Variants in IPPK observed in about 807,000 individuals in gnomAD.
IPPK encodes the protein inositol-pentakisphosphate 2-kinase.
In IPPK, 22 loss-of-function variants were observed where a neutral mutation model predicts 64.6. That is an observed-to-expected ratio of 0.34 (90% CI 0.24 to 0.49). The LOEUF is 0.49. IPPK is among the 20% of genes least tolerant of loss of function. The pLI is 0.99. For synonymous variants in IPPK, 262 were observed against 247.2 expected (o/e 1.06, Z -0.56); for missense variants, 532 against 630.7 (o/e 0.84, Z 1.68).
At chr9:92,666,559 C>T (rs1852601566) in intron 1 of IPPK, among the ~76,000 whole-genome samples, 1 of 152,266 alleles carries the variant, frequency 6.6e-6, no homozygotes, top group Non-Finnish European at 1.5e-5. Flanking sequence ...CAGACACACA[C>T]CAGGGAACAT....
At chr9:92,619,763 C>G (rs886641318) in intron 11 of IPPK, 198 bp from the exon 12 acceptor site, 15 of 596,206 alleles carry the variant, frequency 2.5e-5, no homozygotes, top group African/African-American at 1.8e-4. Flanking sequence ...CTCAGTGCCA[C>G]GGGGCTGCTC....
chr9:92,648,274 TG>T, intron 5 of IPPK, 126 bp from the exon 6 acceptor site: 1 of 695,010 alleles, frequency 1.4e-6, no homozygotes, highest in Non-Finnish European at 2.4e-6. Flanking sequence ...CCCCAGAAGC[TG>T]TTTTCATTTG....
In IPPK at chr9:92,638,239, G is replaced by C. The variant is rs144458816; in HGVS notation, c.678C>G (p.Pro226=). ...GTGCAAGCTCGCTCCAGTCAGCCAC[G>C]GGGCTCCGGGCATCTTTGCAGCCGT... ...LIYGCKDARS[P]VADWSELAHH... is the part of the protein sequence containing the mutation. The change falls in exon 9 of 13, where the codon CCC becomes CCG. Residue 226 remains proline (P), a synonymous_variant. Coordinates refer to ENST00000287996, the MANE Select transcript of IPPK (RefSeq NM_022755.6). The C allele has an allele frequency of 1.2e-6, 2 of 1,614,148 alleles. No individual in the cohort carries two copies. Among genetic ancestry groups the C allele is most frequent in the East Asian group, 4.5e-5 (2 of 44,882 alleles).
intron 6 of IPPK, among the ~76,000 whole-genome samples, chr9:92,645,541 A>G (rs955271283): frequency 6.6e-6 from 1 of 152,176 alleles, no homozygotes; most frequent in Non-Finnish European, 1.5e-5. Flanking sequence ...ATCTACACCT[A>G]GACACACCAT....
intron 3 of IPPK, among the ~76,000 whole-genome samples, chr9:92,654,561 C>T (rs1165343046): frequency 6.6e-6 from 1 of 152,156 alleles, no homozygotes; most frequent in Non-Finnish European, 1.5e-5. Context: ...TCTTAAAAGT[C>T]CAACTACATT....
intron 11 of IPPK, among the ~76,000 whole-genome samples, chr9:92,630,392 A>G (rs538511000): frequency 6.6e-5 from 10 of 152,350 alleles, no homozygotes; most frequent in African/African-American, 2.4e-4. Context: ...TGGGGAGACA[A>G]TGGGACGATA....
intron 1 of IPPK, among the ~76,000 whole-genome samples, chr9:92,668,968 CTTTA>C (rs368637554): frequency 2.2e-4 from 34 of 152,358 alleles, no homozygotes; most frequent in South Asian, 2.1e-3. Context: ...CTGATTTTCA[CTTTA>C]TTTATCTGTC....
chr9:92,636,501 C>T (rs895080423), intron 9 of IPPK, among the ~76,000 whole-genome samples: 5 of 151,918 alleles, frequency 3.3e-5, no homozygotes, highest in Admixed American at 2.0e-4. Context: ...ATTAACTAGG[C>T]GTGGTAGTGC....
At chr9:92,667,325 C>T (rs1241031006) in intron 1 of IPPK, among the ~76,000 whole-genome samples, 1 of 152,172 alleles carries the variant, frequency 6.6e-6, no homozygotes, top group Admixed American at 6.5e-5. Flanking sequence ...CTACCTCACC[C>T]ATCTCTTATC....
At chr9:92,631,093 A>T (rs1289187322) in intron 11 of IPPK, among the ~76,000 whole-genome samples, 1 of 152,066 alleles carries the variant, frequency 6.6e-6, no homozygotes, top group Non-Finnish European at 1.5e-5. Flanking sequence ...GCTACCAGAT[A>T]CTACACAACA....
intron 1 of IPPK, among the ~76,000 whole-genome samples, chr9:92,666,402 T>C (rs112403262): frequency 2.2e-4 from 33 of 152,228 alleles, no homozygotes; most frequent in African/African-American, 7.9e-4. Flanking sequence ...CCTGCGGCAG[T>C]GCATAAAGGG....
chr9:92,621,433 C>T (rs1851625127), intron 11 of IPPK, among the ~76,000 whole-genome samples: 1 of 150,188 alleles, frequency 6.7e-6, no homozygotes, highest in Non-Finnish European at 1.5e-5. Context: ...AACTTTCCTA[C>T]AAAGACAACT....
At chr9:92,656,116 G>A (rs1852367750) in intron 3 of IPPK, among the ~76,000 whole-genome samples, 1 of 152,180 alleles carries the variant, frequency 6.6e-6, no homozygotes, top group Non-Finnish European at 1.5e-5. Flanking sequence ...CCCATGTAGG[G>A]CCTCCTGTGT....
chr9:92,642,380 G>C (rs1852067637), intron 7 of IPPK, among the ~76,000 whole-genome samples: 1 of 152,390 alleles, frequency 6.6e-6, no homozygotes, highest in Admixed American at 6.5e-5. Flanking sequence ...TGCAGCAGCA[G>C]ACTTTTTAAT....
chr9:92,651,880 T>A (rs2131452873), intron 4 of IPPK, among the ~76,000 whole-genome samples: 1 of 152,156 alleles, frequency 6.6e-6, no homozygotes, highest in Middle Eastern at 3.4e-3. Flanking sequence ...TACGCCCAGC[T>A]AATTTTTGTA....
At chr9:92,668,632 T>C (rs1852653700) in intron 1 of IPPK, among the ~76,000 whole-genome samples, 1 of 152,232 alleles carries the variant, frequency 6.6e-6, no homozygotes, top group African/African-American at 2.4e-5. Flanking sequence ...ATCAGCACAG[T>C]AACCCAACAA....
intron 11 of IPPK, among the ~76,000 whole-genome samples, chr9:92,620,918 C>T (rs1851608873): frequency 6.6e-6 from 1 of 152,184 alleles, no homozygotes; most frequent in Admixed American, 6.5e-5. Flanking sequence ...TCACGAAATG[C>T]CCAAAACTGG....
At chr9:92,617,099 T>C (rs1018343603) in intron 12 of IPPK, 21 of 152,164 alleles carry the variant, frequency 1.4e-4, no homozygotes, top group African/African-American at 4.1e-4. Context: ...ACTATTCTCA[T>C]CTGAAGAGTA....
intron 2 of IPPK, 55 bp downstream of exon 2, chr9:92,658,579 T>C: frequency 7.1e-7 from 1 of 1,415,810 alleles, no homozygotes; most frequent in Non-Finnish European, 9.9e-7. Flanking sequence ...GAAAAAAAAA[T>C]CAGAGTTTTC....
Sources: allele counts gnomAD v4.1 joint callset (sites outside exome capture counted in the v4.1 genomes callset), GRCh38; gene constraint gnomAD v4.1.1; transcripts MANE v1.5; gene names NCBI Gene and HGNC (gene_info 2026-07-23, HGNC 2026-07-21).